EXT1: variants seen among roughly 807,000 people sequenced by gnomAD.
The protein encoded by EXT1 is exostosin glycosyltransferase 1.
In EXT1, 20 loss-of-function variants were observed where a neutral mutation model predicts 82.5. The observed-to-expected ratio is 0.24, with a 90% CI of 0.17 to 0.35. The LOEUF (loss-of-function observed/expected upper bound fraction) is 0.35, where lower values mean the gene tolerates loss of function less well. EXT1 is among the 10% of genes least tolerant of loss of function. EXT1 has a pLI of 1.00. For missense variants in EXT1, 757 were observed against 936.5 expected (o/e 0.81, Z 2.50); for synonymous variants, 348 against 350.8 (o/e 0.99, Z 0.09).
At chr8:117,873,580 C>T (rs1484768673) in intron 1 of EXT1, among the ~76,000 whole-genome samples, 3 of 151,384 alleles carry the variant, frequency 2.0e-5, no homozygotes, top group East Asian at 1.9e-4. Context: ...CTCAGCCTCC[C>T]GAATAGCTAG....
At position 117,797,426 on chromosome 8, in the gene EXT1, T is replaced by A. The variant is rs1005075462; in HGVS notation, c.*2286A>T. On this transcript the variant is annotated 3_prime_UTR_variant, in exon 11 of 11. Coordinates refer to ENST00000378204, the MANE Select transcript of EXT1 (RefSeq NM_000127.3). ...TATGTGTTGTGAGCTTGGTGACAGG[T>A]CAATCTGGCAAAGCAGGTCCTTGAA... 2.0e-5 allele frequency: 3 copies of A among 152,202 alleles called. No individual in the cohort carries two copies. The highest frequency in any genetic ancestry group is 6.5e-5 in the Admixed American group (1 of 15,278). 9.4% of individuals were successfully genotyped at this position (152,202 alleles called of 1,614,324 possible).
intron 1 of EXT1, among the ~76,000 whole-genome samples, chr8:117,931,128 A>G (rs1465455211): frequency 6.6e-6 from 1 of 152,204 alleles, no homozygotes; most frequent in African/African-American, 2.4e-5. Flanking sequence ...AACCATAAAA[A>G]TAGGCAATCA....
chr8:117,869,178 C>T lies in EXT1; in HGVS notation c.963-31977G>A, dbSNP rs538189008. Among the ~76,000 whole-genome samples, 45 of 152,258 alleles carry T rather than the reference C, an allele frequency of 3.0e-4. No homozygotes were observed. In the South Asian group the frequency reaches 8.5e-3, roughly 29 times the overall value. On this transcript the variant is annotated intron_variant, in intron 1 of 10. Transcript: ENST00000378204. Reference sequence around the variant, plus strand: ...ATGTCCTCCAGTTTGCTCTGTGAACCCCAGTGAGCCTGCCCAAGCCTGCCT... The same window carrying T: ...ATGTCCTCCAGTTTGCTCTGTGAACTCCAGTGAGCCTGCCCAAGCCTGCCT...
At chr8:117,980,581 C>G (rs1275988161) in intron 1 of EXT1, among the ~76,000 whole-genome samples, 9 of 152,050 alleles carry the variant, frequency 5.9e-5, no homozygotes, top group Admixed American at 5.2e-4. Flanking sequence ...AAATCCCACT[C>G]GGAAAGTTTG....
chr8:117,956,744 G>T (rs1294016182), intron 1 of EXT1, among the ~76,000 whole-genome samples: 1 of 152,148 alleles, frequency 6.6e-6, no homozygotes, highest in African/African-American at 2.4e-5. Flanking sequence ...ACTGCATCCA[G>T]CCTTAAAATT....
At chr8:118,026,772 G>C (rs1490921869) in intron 1 of EXT1, among the ~76,000 whole-genome samples, 1 of 152,126 alleles carries the variant, frequency 6.6e-6, no homozygotes, top group Non-Finnish European at 1.5e-5. Flanking sequence ...GGACTGCCTG[G>C]GCCATGTCCA....
At chr8:117,856,277 C>T (rs1220463849) in intron 1 of EXT1, among the ~76,000 whole-genome samples, 2 of 143,968 alleles carry the variant, frequency 1.4e-5, no homozygotes, top group African/African-American at 5.2e-5. Flanking sequence ...TGTGGGGGGA[C>T]GGAGTCTCGC....
Position 118,110,784 on chromosome 8 carries a change from G to A in EXT1, c.263C>T (p.Ala88Val), listed in dbSNP as rs2130044592. 6.2e-7 allele frequency: 1 copy of A among 1,613,750 alleles called. No individual in the cohort carries two copies. Among genetic ancestry groups the A allele is most frequent in the South Asian group, 1.1e-5 (1 of 91,076 alleles). ...CTTGCCTTTGTAGATGCTGGAGTTG[G>A]CATCTCGCTTCTGCCGGGGGGAAAT... ...VHISPRQKRD[A>V]NSSIYKGKKC... Residue 88 changes from alanine (A) to valine (V), a missense_variant, in exon 1 of 11, where the codon GCC becomes GTC. This residue lies in a region of EXT1 where 175 missense variants were observed against 159.0 expected (regional missense o/e 1.10). Coordinates refer to ENST00000378204, the MANE Select transcript of EXT1 (RefSeq NM_000127.3).
intron 4 of EXT1, among the ~76,000 whole-genome samples, chr8:117,826,777 T>A (rs1448039686): frequency 6.6e-6 from 1 of 152,124 alleles, no homozygotes; most frequent in Non-Finnish European, 1.5e-5. Flanking sequence ...TGGTTTTTAG[T>A]GTTTAAAAAA....
intron 1 of EXT1, among the ~76,000 whole-genome samples, chr8:117,953,009 A>G (rs1292210075): frequency 2.0e-5 from 3 of 152,186 alleles, no homozygotes; most frequent in Non-Finnish European, 2.9e-5. Context: ...AATATTGCCA[A>G]GAATGTCTGT....
At chr8:118,100,732 G>A (rs546083735) in intron 1 of EXT1, among the ~76,000 whole-genome samples, 2 of 151,518 alleles carry the variant, frequency 1.3e-5, no homozygotes, top group South Asian at 2.1e-4. Context: ...GCGACAGAGC[G>A]AGACTCCATC....
chr8:117,866,308 T>C (rs919374356), intron 1 of EXT1, among the ~76,000 whole-genome samples: 7 of 152,178 alleles, frequency 4.6e-5, no homozygotes, highest in Admixed American at 4.6e-4. Flanking sequence ...AAGCAGAGAC[T>C]TCACCTCAGA....
intron 1 of EXT1, among the ~76,000 whole-genome samples, chr8:117,921,559 G>T (rs1813858530): frequency 2.0e-5 from 3 of 152,186 alleles, no homozygotes; most frequent in Admixed American, 2.0e-4. Flanking sequence ...AGAGAGTGCA[G>T]ATCAAATGAA....
At chr8:118,007,765 G>A (rs1439288190) in intron 1 of EXT1, among the ~76,000 whole-genome samples, 1 of 152,196 alleles carries the variant, frequency 6.6e-6, no homozygotes. Flanking sequence ...ACAGGGAGAT[G>A]ACACAGAGCT....
intron 1 of EXT1, among the ~76,000 whole-genome samples, chr8:117,908,605 G>A (rs1195753861): frequency 2.6e-5 from 4 of 151,998 alleles, no homozygotes; most frequent in African/African-American, 7.2e-5. Context: ...ACTCCAGCCC[G>A]GGCAACAGAG....
chr8:117,809,604 C>A (rs1313523200), intron 8 of EXT1, among the ~76,000 whole-genome samples: 1 of 151,144 alleles, frequency 6.6e-6, no homozygotes. Flanking sequence ...GCCACTGCCC[C>A]CTATCGTGGG....
intron 1 of EXT1, among the ~76,000 whole-genome samples, chr8:117,851,198 C>A (rs1812446434): frequency 6.6e-6 from 1 of 151,786 alleles, no homozygotes; most frequent in South Asian, 2.1e-4. Flanking sequence ...TCCAAATATC[C>A]AGATGAAAAA....
intron 1 of EXT1, among the ~76,000 whole-genome samples, chr8:117,844,027 TC>T (rs984876546): frequency 2.4e-4 from 37 of 152,236 alleles, no homozygotes; most frequent in African/African-American, 8.4e-4. Flanking sequence ...TCACCCCAGA[TC>T]ACTACCAGGA....
At chr8:117,889,518 T>C (rs1217517493) in intron 1 of EXT1, among the ~76,000 whole-genome samples, 1 of 152,186 alleles carries the variant, frequency 6.6e-6, no homozygotes, top group African/African-American at 2.4e-5. Flanking sequence ...CCTAGGGGAC[T>C]TGTACAGAGC....
Sources: gnomAD v4.1 joint callset for allele counts (sites outside exome capture counted in the v4.1 genomes callset) on GRCh38, gnomAD v4.1.1 for gene constraint, gnomAD v4.1.1 regional missense constraint, MANE v1.5 for transcripts, NCBI Gene and HGNC (gene_info 2026-07-23, HGNC 2026-07-21) for gene names.